Variants in GNAL observed in about 807,000 individuals in gnomAD.
GNAL encodes the protein G protein subunit alpha L.
A neutral mutation model predicts 55.1 loss-of-function variants in GNAL; 18 were observed. That is an observed-to-expected ratio of 0.33 (90% CI 0.23 to 0.48). GNAL has a LOEUF of 0.48. Ranked by LOEUF, GNAL falls within the 20% of genes least tolerant of loss-of-function variation. The pLI is 0.99. For missense variants in GNAL, 412 were observed against 614.1 expected (o/e 0.67, Z 3.48); for synonymous variants, 253 against 237.0 (o/e 1.07, Z -0.62).
intron 4 of GNAL, among the ~76,000 whole-genome samples, chr18:11,783,763 GCT>G (rs1164312977): frequency 1.3e-5 from 2 of 152,094 alleles, no homozygotes; most frequent in Non-Finnish European, 2.9e-5. Context: ...CAATTTCTAT[GCT>G]CTTTTTTTCA....
intron 1 of GNAL, among the ~76,000 whole-genome samples, chr18:11,696,660 C>A (rs1258897075): frequency 4.6e-5 from 7 of 152,156 alleles, no homozygotes; most frequent in African/African-American, 1.7e-4. Flanking sequence ...CCGTTGTTTA[C>A]ATGAAGCCTA....
At chr18:11,800,637 A>G (rs553196995) in intron 4 of GNAL, among the ~76,000 whole-genome samples, 2 of 150,204 alleles carry the variant, frequency 1.3e-5, no homozygotes, top group African/African-American at 5.0e-5. Flanking sequence ...TTCTTTGCCA[A>G]TTTATATGGT....
At chr18:11,865,755 T>TAAA (rs777122802) in intron 7 of GNAL, among the ~76,000 whole-genome samples, 4 of 81,204 alleles carry the variant, frequency 4.9e-5, no homozygotes, top group Admixed American at 1.3e-4. Flanking sequence ...ACCCTGTCTC[T>TAAA]AAAAAAAAAA....
chr18:11,698,643 G>A (rs2031481422), intron 1 of GNAL, among the ~76,000 whole-genome samples: 2 of 152,156 alleles, frequency 1.3e-5, no homozygotes, highest in Non-Finnish European at 1.5e-5. Context: ...GCTGCTGGAG[G>A]ACAGAACAGG....
chr18:11,742,420 C>T (rs2032596439), intron 1 of GNAL, among the ~76,000 whole-genome samples: 1 of 152,220 alleles, frequency 6.6e-6, no homozygotes, highest in African/African-American at 2.4e-5. Context: ...CTCACCACAG[C>T]CCCATGAGGG....
intron 4 of GNAL, among the ~76,000 whole-genome samples, chr18:11,756,722 A>G (rs896069328): frequency 2.2e-4 from 34 of 152,146 alleles, no homozygotes; most frequent in Admixed American, 2.1e-3. Flanking sequence ...TCTTGGTTTC[A>G]TATTTTGATG....
chr18:11,851,558 A>C, intron 5 of GNAL: 1 of 1,610,470 alleles, frequency 6.2e-7, no homozygotes, highest in Non-Finnish European at 8.5e-7. Flanking sequence ...TTCGCGGCCA[A>C]AGAACTGAGT....
intron 5 of GNAL, among the ~76,000 whole-genome samples, chr18:11,842,277 G>A (rs181597412): frequency 1.3e-5 from 2 of 152,136 alleles, no homozygotes; most frequent in East Asian, 3.9e-4. Context: ...CACCGCGCTC[G>A]GCCTAGTTCA....
intron 4 of GNAL, among the ~76,000 whole-genome samples, chr18:11,814,822 C>G (rs1485750734): frequency 6.7e-6 from 1 of 150,180 alleles, no homozygotes; most frequent in African/African-American, 2.5e-5. Flanking sequence ...CACTTGAATT[C>G]GGGAAACAGA....
At chr18:11,762,649 G>C (rs150142505) in intron 4 of GNAL, among the ~76,000 whole-genome samples, 1 of 152,218 alleles carries the variant, frequency 6.6e-6, no homozygotes, top group Admixed American at 6.5e-5. Context: ...GTCAGGCCAC[G>C]GCGGGTTAGG....
At chr18:11,817,453 T>C (rs2034984341) in intron 4 of GNAL, among the ~76,000 whole-genome samples, 1 of 152,250 alleles carries the variant, frequency 6.6e-6, no homozygotes, top group South Asian at 2.1e-4. Context: ...GGGCACTCGG[T>C]AAATGCTAAG....
intron 4 of GNAL, among the ~76,000 whole-genome samples, chr18:11,773,833 C>T (rs1274461994): frequency 6.6e-6 from 1 of 152,104 alleles, no homozygotes; most frequent in Non-Finnish European, 1.5e-5. Context: ...TAAAAACAAT[C>T]GCATCTGAGT....
At chr18:11,833,020 A>G (rs2035421265) in intron 5 of GNAL, among the ~76,000 whole-genome samples, 1 of 150,896 alleles carries the variant, frequency 6.6e-6, no homozygotes, top group Admixed American at 6.6e-5. Flanking sequence ...TTTGATCTCT[A>G]TCTCTAGCCA....
chr18:11,871,360 C>T (rs1166992482), intron 9 of GNAL, among the ~76,000 whole-genome samples: 1 of 151,882 alleles, frequency 6.6e-6, no homozygotes, highest in African/African-American at 2.4e-5. Context: ...AAGCGATTCT[C>T]CTGCCTCAGC....
intron 10 of GNAL, among the ~76,000 whole-genome samples, chr18:11,874,774 C>G (rs1207121360): frequency 6.7e-6 from 1 of 150,270 alleles, no homozygotes; most frequent in Admixed American, 6.6e-5. Flanking sequence ...AGAACACAGC[C>G]CAGGCAGAGA....
In GNAL at chr18:11,689,945, T is replaced by C. The variant is rs2143268366; in HGVS notation, c.376+6T>C. ...GCACCGGCTCCTGCTGCTCGGTAGGTCCCGGCCGCGAGGTCGGCTGACGCC... is the reference window on the plus strand; with the variant it reads ...GCACCGGCTCCTGCTGCTCGGTAGGCCCCGGCCGCGAGGTCGGCTGACGCC... On this transcript the variant is annotated splice_donor_region_variant and intron_variant, in intron 1 of 11. Transcript: ENST00000334049. The C allele has an allele frequency of 2.3e-6, 3 of 1,290,072 alleles. No individual in the cohort carries two copies. The South Asian group carries it at 7.1e-5, about 31-fold the overall frequency. The allele number at this position is 1,290,072 out of a possible 1,614,324, so 79.9% of individuals were successfully genotyped here.
intron 6 of GNAL, among the ~76,000 whole-genome samples, chr18:11,863,271 C>T (rs1450425539): frequency 6.6e-6 from 1 of 152,156 alleles, no homozygotes; most frequent in East Asian, 1.9e-4. Context: ...CCGGATTGCT[C>T]AATTCAGGAG....
At chr18:11,799,572 C>T (rs1047908535) in intron 4 of GNAL, among the ~76,000 whole-genome samples, 1 of 152,088 alleles carries the variant, frequency 6.6e-6, no homozygotes, top group Non-Finnish European at 1.5e-5. Flanking sequence ...ATTCAAAAGG[C>T]TCCAAAATCC....
Position 11,752,796 on chromosome 18 carries a change from G to T in GNAL, c.377-57G>T. 1 of 1,283,822 alleles carries T rather than the reference G, an allele frequency of 7.8e-7. No individual in the cohort carries two copies. The highest frequency in any genetic ancestry group is 1.1e-6 in the Non-Finnish European group (1 of 879,150). 79.5% of individuals were successfully genotyped at this position (1,283,822 alleles called of 1,614,324 possible). Reference sequence around the variant, plus strand: ...GGATTGCTCAGACCCGGCTAGTGGTGAGAGATGGCAGCGATATCCGGACAC... The same window carrying T: ...GGATTGCTCAGACCCGGCTAGTGGTTAGAGATGGCAGCGATATCCGGACAC... On this transcript the variant is annotated intron_variant, in intron 1 of 11. Coordinates refer to ENST00000334049, the MANE Select transcript of GNAL (RefSeq NM_182978.4). This position sits in a 1 kb window ranked among gnomAD's most constrained non-coding sequence, Gnocchi z 4.5.
Sources: gnomAD v4.1 joint callset for allele counts (sites outside exome capture counted in the v4.1 genomes callset) on GRCh38, gnomAD v4.1.1 for gene constraint, Gnocchi (gnomAD v3.1) non-coding constraint, MANE v1.5 for transcripts, NCBI Gene and HGNC (gene_info 2026-07-23, HGNC 2026-07-21) for gene names.